RORA: variants seen among roughly 807,000 people sequenced by gnomAD.
The protein encoded by RORA is RAR related orphan receptor A.
A neutral mutation model predicts 69.5 loss-of-function variants in RORA; 7 were observed. That is an observed-to-expected ratio of 0.10 (90% CI 0.06 to 0.19). The LOEUF (loss-of-function observed/expected upper bound fraction) is 0.19. Among genes scored for constraint, RORA ranks in the 10% least tolerant of loss-of-function variants. The pLI is 1.00. For missense variants in RORA, 457 were observed against 663.0 expected (o/e 0.69, Z 3.41); for synonymous variants, 261 against 240.8 (o/e 1.08, Z -0.78).
chr15:60,910,054 G>C (rs1013135998), intron 1 of RORA, among the ~76,000 whole-genome samples: 1 of 152,170 alleles, frequency 6.6e-6, no homozygotes, highest in Non-Finnish European at 1.5e-5. Flanking sequence ...ATTGTTTCCT[G>C]GCTGTGTGGA....
At chr15:61,012,984 T>G (rs1595877473) in intron 1 of RORA, among the ~76,000 whole-genome samples, 1 of 152,274 alleles carries the variant, frequency 6.6e-6, no homozygotes, top group African/African-American at 2.4e-5. Flanking sequence ...TGCTCCCAAT[T>G]TTAATTACAA....
intron 1 of RORA, chr15:61,039,230 G>C (rs6494245): frequency 0.11 from 16,183 of 152,180 alleles, 989 homozygotes; most frequent in African/African-American, 0.17. Context: ...AGAACACATG[G>C]ACTGAATTCC....
intron 1 of RORA, among the ~76,000 whole-genome samples, chr15:61,010,814 G>A (rs966028918): frequency 1.3e-5 from 2 of 152,112 alleles, no homozygotes; most frequent in African/African-American, 4.8e-5. Flanking sequence ...GATGAGGACT[G>A]TTGGCTGGGA....
chr15:60,915,473 A>AG (rs1251578121), intron 1 of RORA, among the ~76,000 whole-genome samples: 1 of 152,092 alleles, frequency 6.6e-6, no homozygotes, highest in East Asian at 1.9e-4. Flanking sequence ...TACTCATCTA[A>AG]ATTGACATGA....
intron 1 of RORA, among the ~76,000 whole-genome samples, chr15:61,059,213 A>G (rs1473667952): frequency 1.3e-5 from 2 of 152,234 alleles, no homozygotes; most frequent in African/African-American, 4.8e-5. Context: ...GCTGAGCCTC[A>G]GGGGATGCCC....
At position 60,604,381 on chromosome 15, in the gene RORA, T is replaced by C. The variant is rs111679011; in HGVS notation, c.197-72530A>G. On this transcript the variant is annotated intron_variant, in intron 2 of 10. Coordinates refer to ENST00000335670, the MANE Select transcript of RORA (RefSeq NM_134261.3). Reference sequence around the variant, plus strand: ...AGTATGCAAATTTGTAAACACAAAATCCTCCAGTAATGCGAATGGACTGAC... The same window carrying C: ...AGTATGCAAATTTGTAAACACAAAACCCTCCAGTAATGCGAATGGACTGAC... 4.0e-3 allele frequency among the ~76,000 whole-genome samples: 603 copies of C among 152,256 alleles called. 6 individuals are homozygous for C. The highest frequency in any genetic ancestry group is 0.014 in the African/African-American group (576 of 41,560).
At chr15:60,586,644 T>C (rs530660620) in intron 2 of RORA, among the ~76,000 whole-genome samples, 9 of 152,192 alleles carry the variant, frequency 5.9e-5, no homozygotes, top group Non-Finnish European at 1.3e-4. Context: ...TAATTCAAGA[T>C]GGAGTAACCT....
Position 60,531,713 on chromosome 15 carries a change from A to AAGAT in RORA, c.282+49_282+52dup, listed in dbSNP as rs1299091495. 4.0e-6 allele frequency: 4 copies of AAGAT among 993,246 alleles called. No homozygotes were observed. The African/African-American group carries it at 6.8e-5, about 17-fold the overall frequency. The allele number at this position is 993,246 out of a possible 1,614,324, so 61.5% of individuals were successfully genotyped here. On this transcript the variant is annotated intron_variant, in intron 3 of 10. Coordinates refer to ENST00000335670, the MANE Select transcript of RORA (RefSeq NM_134261.3). The surrounding 1 kb of genome is among the most constrained non-coding windows in gnomAD (Gnocchi z 4.8). ...CATAAGTGGAGACATACAAATCACA[A>AAGAT]AGATATATTCTAACAAACATTAATA... is the stretch of plus-strand genomic sequence containing the variant.
At position 60,511,162 on chromosome 15, in the gene RORA, ACATAC is replaced by A; in HGVS notation, c.820+59_820+63del. ...GCAGAACTCATTAGAGGAAAGTCAG[ACATAC>A]CCCTTTTACTTCAAAGGGCATGAAT... On this transcript the variant is annotated intron_variant, in intron 5 of 10. Transcript: ENST00000335670. This position sits in a 1 kb window ranked among gnomAD's most constrained non-coding sequence, Gnocchi z 6.4. 1 of 1,514,584 alleles carries A rather than the reference ACATAC, an allele frequency of 6.6e-7. No individual in the cohort carries two copies. Among genetic ancestry groups the A allele is most frequent in the South Asian group, 1.3e-5 (1 of 78,028 alleles). The allele number at this position is 1,514,584 out of a possible 1,614,324, so 93.8% of individuals were successfully genotyped here.
intron 2 of RORA, among the ~76,000 whole-genome samples, chr15:60,601,993 T>G (rs979130350): frequency 6.6e-6 from 1 of 152,186 alleles, no homozygotes; most frequent in Non-Finnish European, 1.5e-5. Context: ...ACTACTGATA[T>G]GCATTATTGA....
intron 2 of RORA, among the ~76,000 whole-genome samples, chr15:60,642,638 C>A (rs1453315630): frequency 6.6e-6 from 1 of 152,152 alleles, no homozygotes; most frequent in African/African-American, 2.4e-5. Context: ...CACCTGTAGT[C>A]CCAGTGCTTT....
intron 3 of RORA, among the ~76,000 whole-genome samples, chr15:60,522,235 A>G (rs529370679): frequency 1.1e-4 from 16 of 152,334 alleles, no homozygotes; most frequent in Admixed American, 1.0e-3. Context: ...TACATCAATT[A>G]TCCTTATATC....
At chr15:61,087,414 T>C (rs1286711156) in intron 1 of RORA, among the ~76,000 whole-genome samples, 1 of 152,248 alleles carries the variant, frequency 6.6e-6, no homozygotes, top group African/African-American at 2.4e-5. Context: ...TGTCTTCAAA[T>C]GCAAAGTCAT....
At chr15:60,592,766 CCCTCGCCCGGGCGCCCG>C in intron 2 of RORA, 23 of 983,956 alleles carry the variant, frequency 2.3e-5, no homozygotes, top group Non-Finnish European at 3.0e-5. Flanking sequence ...GCGCCCCGGG[CCCTCGCCCGGGCGCCCG>C]CCTTCCCCTC....
chr15:61,180,068 C>A (rs1177619616), intron 1 of RORA, among the ~76,000 whole-genome samples: 2 of 144,020 alleles, frequency 1.4e-5, no homozygotes, highest in African/African-American at 2.6e-5. Context: ...CACTTGAACC[C>A]AGGAGGCAGA....
At chr15:60,500,824 A>G (rs1389411519) in intron 9 of RORA, 135 bp downstream of exon 9, 18 of 507,030 alleles carry the variant, frequency 3.6e-5, no homozygotes, top group Non-Finnish European at 6.3e-5. Context: ...AAGACTTAAA[A>G]TCCAATTTAA....
intron 1 of RORA, among the ~76,000 whole-genome samples, chr15:60,887,984 A>T (rs570622536): frequency 1.3e-5 from 2 of 152,324 alleles, no homozygotes; most frequent in African/African-American, 4.8e-5. Context: ...AATTAGCCCG[A>T]CTTAGCCAAT....
intron 1 of RORA, among the ~76,000 whole-genome samples, chr15:60,864,114 A>AT (rs1222610592): frequency 6.6e-6 from 1 of 152,116 alleles, no homozygotes; most frequent in South Asian, 2.1e-4. Flanking sequence ...CCTCAGAATC[A>AT]TTTTTTATAT....
At chr15:61,183,396 G>A (rs1050670515) in intron 1 of RORA, among the ~76,000 whole-genome samples, 1 of 152,138 alleles carries the variant, frequency 6.6e-6, no homozygotes, top group African/African-American at 2.4e-5. Context: ...TTAGCTGGGT[G>A]TGGTGGCAAA....
Sources: allele counts gnomAD v4.1 joint callset (sites outside exome capture counted in the v4.1 genomes callset), GRCh38; gene constraint gnomAD v4.1.1; non-coding constraint Gnocchi (gnomAD v3.1); transcripts MANE v1.5; gene names NCBI Gene and HGNC (gene_info 2026-07-23, HGNC 2026-07-21).